AUTS2: variants seen among roughly 807,000 people sequenced by gnomAD.
AUTS2 encodes activator of transcription and developmental regulator AUTS2, also known as autism susceptibility gene 2 protein.
Under a neutral mutation model 112.4 loss-of-function variants are expected in AUTS2, and 17 were observed. That is an observed-to-expected ratio of 0.15 (90% confidence interval 0.10 to 0.23). The LOEUF is 0.23. AUTS2 is among the 10% of genes least tolerant of loss of function. The pLI is 1.00. For synonymous variants in AUTS2, 751 were observed against 702.7 expected (o/e 1.07, Z -1.09); for missense variants, 1,510 against 1,701.6 (o/e 0.89, Z 1.98).
chr7:70,242,566 T>C (rs1278028209), intron 4 of AUTS2, among the ~76,000 whole-genome samples: 1 of 152,204 alleles, frequency 6.6e-6, no homozygotes, highest in Admixed American at 6.5e-5. Context: ...AATTACTTCC[T>C]CTCTTCCATC....
chr7:69,666,196 A>C (rs1474098230), intron 1 of AUTS2, among the ~76,000 whole-genome samples: 1 of 152,202 alleles, frequency 6.6e-6, no homozygotes, highest in African/African-American at 2.4e-5. Context: ...TCATACACAT[A>C]TAAAAAGCTT....
intron 5 of AUTS2, among the ~76,000 whole-genome samples, chr7:70,445,030 T>G (rs927203440): frequency 1.3e-5 from 2 of 152,192 alleles, no homozygotes; most frequent in African/African-American, 4.8e-5. Context: ...CCACTTCACA[T>G]GAAAGAGAAC....
chr7:69,661,125 A>G (rs1486595419), intron 1 of AUTS2, among the ~76,000 whole-genome samples: 1 of 152,174 alleles, frequency 6.6e-6, no homozygotes, highest in Non-Finnish European at 1.5e-5. Flanking sequence ...CTGTACATTC[A>G]GGGAATCTTC....
intron 2 of AUTS2, among the ~76,000 whole-genome samples, chr7:69,926,978 A>G (rs987844664): frequency 1.4e-5 from 2 of 147,104 alleles, no homozygotes; most frequent in African/African-American, 4.9e-5. Context: ...ATATATATAC[A>G]GTATTTTCCC....
At chr7:70,517,228 C>T in intron 5 of AUTS2, among the ~76,000 whole-genome samples, 1 of 152,182 alleles carries the variant, frequency 6.6e-6, no homozygotes, top group East Asian at 1.9e-4. Context: ...ATATGCTCAC[C>T]TGTGTACAGC....
In AUTS2 at chr7:70,607,319, A is replaced by G. The variant is rs188749472; in HGVS notation, c.691-91250A>G. 7.2e-5 allele frequency among the ~76,000 whole-genome samples: 11 copies of G among 152,318 alleles called. No individual in the cohort carries two copies. In the East Asian group the frequency reaches 2.1e-3, roughly 29 times the overall value. ...AGTATGCCTCTCTGTGTTGGGATAT[A>G]TGATCAATTGAAGCCTCTGGGCAGA... is the stretch of plus-strand genomic sequence containing the variant. On this transcript the variant is annotated intron_variant, in intron 5 of 18. Transcript: ENST00000342771.
At chr7:70,360,235 C>G (rs1792198929) in intron 4 of AUTS2, among the ~76,000 whole-genome samples, 1 of 152,208 alleles carries the variant, frequency 6.6e-6, no homozygotes, top group Non-Finnish European at 1.5e-5. Flanking sequence ...TCAGGCAATC[C>G]TCTCACTTCA....
intron 4 of AUTS2, among the ~76,000 whole-genome samples, chr7:70,263,714 A>G (rs1009509665): frequency 1.3e-5 from 2 of 152,230 alleles, no homozygotes; most frequent in Non-Finnish European, 2.9e-5. Context: ...AACAATAACA[A>G]AAATCCCCCA....
intron 2 of AUTS2, among the ~76,000 whole-genome samples, chr7:70,064,685 T>C (rs1363626663): frequency 6.6e-6 from 1 of 152,154 alleles, no homozygotes; most frequent in Non-Finnish European, 1.5e-5. Context: ...TGATGGACCA[T>C]GGGTAGATAA....
At chr7:70,108,783 CAA>C (rs528009205) in intron 2 of AUTS2, among the ~76,000 whole-genome samples, 866 of 68,486 alleles carry the variant, frequency 0.013, 1 homozygote, top group South Asian at 0.022. Flanking sequence ...GCCAACATGG[CAA>C]AAAAAAAAAA....
At chr7:69,971,625 C>T (rs1000178588) in intron 2 of AUTS2, among the ~76,000 whole-genome samples, 1 of 152,092 alleles carries the variant, frequency 6.6e-6, no homozygotes, top group African/African-American at 2.4e-5. Flanking sequence ...CTTCACAACC[C>T]CCATCATTAA....
chr7:69,779,763 CA>C (rs767635631), intron 1 of AUTS2, among the ~76,000 whole-genome samples: 693 of 66,806 alleles, frequency 0.01, 4 homozygotes, highest in East Asian at 0.026. Context: ...GACTCCATCT[CA>C]AAAAAAAAAA....
intron 6 of AUTS2, among the ~76,000 whole-genome samples, chr7:70,753,726 TAGC>T (rs1789005921): frequency 6.6e-6 from 1 of 152,216 alleles, no homozygotes; most frequent in Non-Finnish European, 1.5e-5. Flanking sequence ...AATCAAAACT[TAGC>T]AGGGGGAATT....
In AUTS2 at chr7:70,109,502, T is replaced by A. The variant is rs559547671; in HGVS notation, c.523-8630T>A. Among the ~76,000 whole-genome samples the A allele has an allele frequency of 7.7e-4, 118 of 152,338 alleles. 1 individual carries two copies. The highest frequency in any genetic ancestry group is 3.4e-3 in the Middle Eastern group (1 of 294). Reference sequence around the variant, plus strand: ...CATTTCTATTCTTGTACATCTTTTTTTCTCTATTGTTTAGACTTTTTGGTC... The same window carrying A: ...CATTTCTATTCTTGTACATCTTTTTATCTCTATTGTTTAGACTTTTTGGTC... On this transcript the variant is annotated intron_variant, in intron 2 of 18. Transcript: ENST00000342771.
chr7:69,719,662 G>A (rs1798811737), intron 1 of AUTS2, among the ~76,000 whole-genome samples: 1 of 152,144 alleles, frequency 6.6e-6, no homozygotes, highest in Non-Finnish European at 1.5e-5. Flanking sequence ...TTCAAGCTCA[G>A]AATTCGTATA....
At chr7:70,645,434 C>T (rs1806104675) in intron 5 of AUTS2, among the ~76,000 whole-genome samples, 1 of 152,106 alleles carries the variant, frequency 6.6e-6, no homozygotes, top group South Asian at 2.1e-4. Flanking sequence ...TGAACTCTCT[C>T]CACACCACCA....
chr7:69,972,671 A>G (rs10239121), intron 2 of AUTS2, among the ~76,000 whole-genome samples: 12,492 of 85,326 alleles, frequency 0.15, 1,079 homozygotes, highest in African/African-American at 0.33. Context: ...GTGTGCGTGC[A>G]TGTGTGTGTG....
intron 4 of AUTS2, among the ~76,000 whole-genome samples, chr7:70,416,381 C>A (rs1417419593): frequency 6.6e-6 from 1 of 152,170 alleles, no homozygotes; most frequent in Non-Finnish European, 1.5e-5. Flanking sequence ...CACTAGTGAG[C>A]ACCCCTAATG....
intron 4 of AUTS2, among the ~76,000 whole-genome samples, chr7:70,319,494 A>G (rs1790151681): frequency 6.6e-6 from 1 of 152,206 alleles, no homozygotes; most frequent in South Asian, 2.1e-4. Flanking sequence ...GGAGTATATC[A>G]TGAGGTAGGA....
Sources: gnomAD v4.1 joint callset for allele counts (sites outside exome capture counted in the v4.1 genomes callset) on GRCh38, gnomAD v4.1.1 for gene constraint, MANE v1.5 for transcripts, NCBI Gene and HGNC (gene_info 2026-07-23, HGNC 2026-07-21) for gene names.